The following GRM7 variants were observed in gnomAD, a reference collection of about 807,000 sequenced individuals.
GRM7 encodes metabotropic glutamate receptor 7.
GRM7 carries 35 observed loss-of-function variants against 84.5 expected under a neutral mutation model. That is an observed-to-expected ratio of 0.41 (90% CI 0.32 to 0.55). GRM7 has a LOEUF of 0.55. Ranked by LOEUF, GRM7 falls within the 20% of genes least tolerant of loss-of-function variation. GRM7 has a pLI of 0.19. For missense variants in GRM7, 1,003 were observed against 1,194.6 expected (o/e 0.84, Z 2.36); for synonymous variants, 487 against 455.1 (o/e 1.07, Z -0.89).
At chr3:7,402,996 A>C in intron 4 of GRM7, 1 of 214,894 alleles carries the variant, frequency 4.7e-6, no homozygotes, top group Non-Finnish European at 9.9e-6. Flanking sequence ...ATAAGTTTAG[A>C]TGTTGAGCTC....
At chr3:7,027,219 GGGA>G (rs1323255047) in intron 1 of GRM7, among the ~76,000 whole-genome samples, 1 of 152,114 alleles carries the variant, frequency 6.6e-6, no homozygotes, top group Non-Finnish European at 1.5e-5. Context: ...GCTGATGCTA[GGGA>G]CCACAAACTG....
intron 1 of GRM7, among the ~76,000 whole-genome samples, chr3:6,941,898 T>A (rs1697907222): frequency 6.6e-6 from 1 of 152,192 alleles, no homozygotes; most frequent in African/African-American, 2.4e-5. Context: ...GGTTATCACA[T>A]AACTATTGTA....
intron 1 of GRM7, among the ~76,000 whole-genome samples, chr3:7,130,411 C>T (rs1440302992): frequency 1.3e-5 from 2 of 151,848 alleles, no homozygotes; most frequent in Non-Finnish European, 2.9e-5. Context: ...GGTGTGGTGG[C>T]AGGCACCTGT....
intron 1 of GRM7, among the ~76,000 whole-genome samples, chr3:6,963,724 T>C (rs1401083139): frequency 2.0e-5 from 3 of 152,228 alleles, no homozygotes; most frequent in African/African-American, 4.8e-5. Flanking sequence ...CATAGTTTAA[T>C]TGGTAACATT....
intron 7 of GRM7, among the ~76,000 whole-genome samples, chr3:7,570,540 T>A (rs1014747757): frequency 6.6e-6 from 1 of 152,190 alleles, no homozygotes; most frequent in African/African-American, 2.4e-5. Flanking sequence ...ATCCAGGTCA[T>A]GCTGATGCAA....
intron 6 of GRM7, among the ~76,000 whole-genome samples, chr3:7,456,697 T>C (rs73015559): frequency 3.3e-3 from 88 of 26,910 alleles, no homozygotes; most frequent in African/African-American, 7.3e-3. Context: ...CTCTCTCTCT[T>C]TTTTTTTTTG....
chr3:7,668,122 T>C (rs1432839067), intron 8 of GRM7, among the ~76,000 whole-genome samples: 1 of 152,204 alleles, frequency 6.6e-6, no homozygotes, highest in African/African-American at 2.4e-5. Context: ...AAAATGTAGG[T>C]GGCCACCCTC....
intron 1 of GRM7, among the ~76,000 whole-genome samples, chr3:6,948,392 TAG>T (rs747452787): frequency 1.3e-5 from 2 of 152,238 alleles, no homozygotes; most frequent in Non-Finnish European, 2.9e-5. Flanking sequence ...TCCTGAGTTC[TAG>T]TTTGATTGCA....
intron 1 of GRM7, among the ~76,000 whole-genome samples, chr3:6,994,072 A>C (rs1694744143): frequency 6.6e-6 from 1 of 152,180 alleles, no homozygotes; most frequent in Non-Finnish European, 1.5e-5. Flanking sequence ...TAGTAATGTG[A>C]TCATATAAAG....
intron 4 of GRM7, among the ~76,000 whole-genome samples, chr3:7,322,980 A>G (rs188052797): frequency 2.0e-5 from 3 of 152,238 alleles, no homozygotes; most frequent in East Asian, 1.9e-4. Flanking sequence ...TGGGGCATAC[A>G]TTATTGAGGC....
intron 9 of GRM7, among the ~76,000 whole-genome samples, chr3:7,735,864 C>A (rs1241183651): frequency 6.6e-6 from 1 of 152,136 alleles, no homozygotes; most frequent in Non-Finnish European, 1.5e-5. Flanking sequence ...CTAAGCATGT[C>A]TATGTGTACA....
rs142880514 is a variant in GRM7, at chr3:7,569,778, C to T, written c.1516-8644C>T. On this transcript the variant is annotated intron_variant, in intron 7 of 9. Coordinates refer to ENST00000357716, the MANE Select transcript of GRM7 (RefSeq NM_000844.4). ...ACCTTAAGAGCTGTAACACTCACCG[C>T]GAAGGTCCGCAGCTTCACTCCTGAG... Among the ~76,000 whole-genome samples the T allele has an allele frequency of 4.4e-3, 677 of 152,184 alleles. 4 individuals carry two copies. Among genetic ancestry groups the T allele is most frequent in the African/African-American group, 0.013 (537 of 41,514 alleles).
At chr3:6,879,097 T>G (rs1015069587) in intron 1 of GRM7, among the ~76,000 whole-genome samples, 21 of 152,138 alleles carry the variant, frequency 1.4e-4, no homozygotes, top group Non-Finnish European at 4.4e-5. Context: ...CCAAGCAAGA[T>G]TATAAGAACT....
intron 8 of GRM7, among the ~76,000 whole-genome samples, chr3:7,649,957 C>G (rs902117517): frequency 9.9e-5 from 15 of 152,196 alleles, no homozygotes; most frequent in African/African-American, 3.4e-4. Context: ...ATAATAATTA[C>G]AGTACATCAT....
intron 8 of GRM7, among the ~76,000 whole-genome samples, chr3:7,596,113 A>G (rs1376259989): frequency 1.3e-5 from 2 of 152,176 alleles, no homozygotes; most frequent in Non-Finnish European, 2.9e-5. Flanking sequence ...AAATGGTTTG[A>G]TTAGGGAGAT....
chr3:7,622,090 T>G (rs796574989), intron 8 of GRM7, among the ~76,000 whole-genome samples: 2 of 152,296 alleles, frequency 1.3e-5, no homozygotes, highest in African/African-American at 4.8e-5. Context: ...AGCTGAGACT[T>G]GGAAAGGCAA....
At chr3:7,189,495 A>G (rs1291926568) in intron 2 of GRM7, among the ~76,000 whole-genome samples, 1 of 152,244 alleles carries the variant, frequency 6.6e-6, no homozygotes, top group Non-Finnish European at 1.5e-5. Flanking sequence ...CAAATGCTCA[A>G]TAAAAACTGT....
chr3:7,269,274 G>A (rs1698764821), intron 2 of GRM7, among the ~76,000 whole-genome samples: 1 of 152,162 alleles, frequency 6.6e-6, no homozygotes, highest in African/African-American at 2.4e-5. Context: ...ATTTAAACAA[G>A]AAAGCCAAAG....
chr3:6,965,785 G>T (rs1404773713), intron 1 of GRM7, among the ~76,000 whole-genome samples: 6 of 152,124 alleles, frequency 3.9e-5, no homozygotes, highest in Non-Finnish European at 8.8e-5. Context: ...ACTTTTCAAT[G>T]CTCTCTGGGG....
Sources: allele counts gnomAD v4.1 joint callset (sites outside exome capture counted in the v4.1 genomes callset), GRCh38; gene constraint gnomAD v4.1.1; transcripts MANE v1.5; gene names NCBI Gene and HGNC (gene_info 2026-07-23, HGNC 2026-07-21).